The following SV2C variants were observed in gnomAD, a reference collection of about 807,000 sequenced individuals.
SV2C encodes solute carrier family 22 member B3.
Under a neutral mutation model 79.7 loss-of-function variants are expected in SV2C, and 49 were observed. That is an observed-to-expected ratio of 0.61 (90% confidence interval 0.49 to 0.78). SV2C has a LOEUF of 0.78. Ranked by LOEUF, SV2C falls within the 30% of genes least tolerant of loss-of-function variation. The pLI, the probability that SV2C is intolerant of heterozygous loss-of-function variation, is 0.00. For synonymous variants in SV2C, 334 were observed against 333.2 expected, an observed-to-expected ratio of 1.00 and a Z score of -0.03; for missense variants, 833 against 912.9, an observed-to-expected ratio of 0.91 and a Z score of 1.13.
chr5:75,922,558 G>A, the SV2C span, among the ~76,000 whole-genome samples: 1 of 152,218 alleles, frequency 6.6e-6, no homozygotes, highest in Non-Finnish European at 1.5e-5. Flanking sequence ...AATAGTTATG[G>A]CAGAGACTGC....
intron 4 of SV2C, among the ~76,000 whole-genome samples, chr5:76,216,612 C>A (rs1161128740): frequency 1.3e-5 from 2 of 152,200 alleles, no homozygotes; most frequent in Non-Finnish European, 2.9e-5. Context: ...TTTGGCTCTT[C>A]TTGACCTAAC....
chr5:76,068,234 T>C, the SV2C span, among the ~76,000 whole-genome samples: 1 of 152,184 alleles, frequency 6.6e-6, no homozygotes, highest in Non-Finnish European at 1.5e-5. Context: ...TCCTTATACC[T>C]AGATTTCTAA....
chr5:76,236,574 TA>T (rs1561277504), intron 4 of SV2C, among the ~76,000 whole-genome samples: 7 of 125,542 alleles, frequency 5.6e-5, no homozygotes, highest in African/African-American at 3.7e-4. Flanking sequence ...AAAAATAAAA[TA>T]AAATAAAGAG....
chr5:76,057,811 A>G, the SV2C span, among the ~76,000 whole-genome samples: 1 of 152,130 alleles, frequency 6.6e-6, no homozygotes, highest in Non-Finnish European at 1.5e-5. Flanking sequence ...GGCTTCACCA[A>G]TTGGACTAAT....
chr5:75,922,257 A>G, the SV2C span, among the ~76,000 whole-genome samples: 2 of 152,184 alleles, frequency 1.3e-5, no homozygotes, highest in Non-Finnish European at 2.9e-5. Context: ...CTCATTCAAA[A>G]TCTAGTCCTT....
At chr5:75,999,375 AAGAGAGAGAGAGAGAGAG>A in the SV2C span, among the ~76,000 whole-genome samples, 66,002 of 135,010 alleles carry the variant, frequency 0.49, 16,160 homozygotes, top group Middle Eastern at 0.64. Flanking sequence ...GGGAGGGAGA[AAGAGAGAGAGAGAGAGAG>A]AGAGAGAGAG....
intron 1 of SV2C, among the ~76,000 whole-genome samples, chr5:76,120,039 T>C (rs1378064993): frequency 6.6e-6 from 1 of 152,174 alleles, no homozygotes; most frequent in Non-Finnish European, 1.5e-5. Flanking sequence ...AAATATTAAG[T>C]GCATGAGGTG....
chr5:76,201,135 G>A (rs1269192649), intron 3 of SV2C, among the ~76,000 whole-genome samples: 3 of 152,210 alleles, frequency 2.0e-5, no homozygotes. Flanking sequence ...GGGGACAACA[G>A]CGTTGTGTGG....
At chr5:76,110,840 A>G (rs1748073282) in intron 1 of SV2C, among the ~76,000 whole-genome samples, 1 of 152,180 alleles carries the variant, frequency 6.6e-6, no homozygotes, top group Non-Finnish European at 1.5e-5. Flanking sequence ...AAAGAACATG[A>G]GTGTTGGGAG....
chr5:76,247,734 C>T (rs761445919), intron 4 of SV2C, among the ~76,000 whole-genome samples: 1 of 152,162 alleles, frequency 6.6e-6, no homozygotes, highest in Admixed American at 6.5e-5. Context: ...AAGTTTTTAA[C>T]AATTGTGGAC....
the SV2C span, among the ~76,000 whole-genome samples, chr5:75,936,342 C>T: frequency 6.6e-6 from 1 of 152,152 alleles, no homozygotes; most frequent in Non-Finnish European, 1.5e-5. Context: ...GGTTCACTAC[C>T]ATCTTGGGCT....
intron 4 of SV2C, among the ~76,000 whole-genome samples, chr5:76,254,160 A>G (rs72773801): frequency 0.11 from 9,458 of 89,306 alleles, 882 homozygotes; most frequent in African/African-American, 0.3. Flanking sequence ...ATATATATAT[A>G]TGTGTGTGTG....
chr5:76,110,258 G>A (rs1303097206), intron 1 of SV2C, among the ~76,000 whole-genome samples: 3 of 152,140 alleles, frequency 2.0e-5, no homozygotes, highest in Non-Finnish European at 4.4e-5. Context: ...AAGAAACAGA[G>A]GCAGCAGAAA....
chr5:76,061,292 AAGC>A, the SV2C span, among the ~76,000 whole-genome samples: 10 of 150,860 alleles, frequency 6.6e-5, no homozygotes, highest in Non-Finnish European at 1.3e-4. Context: ...AAAAAAAAAA[AAGC>A]AATATCTGAA....
At chr5:75,879,131 C>G in the SV2C span, among the ~76,000 whole-genome samples, 3 of 152,178 alleles carry the variant, frequency 2.0e-5, no homozygotes, top group Non-Finnish European at 4.4e-5. Flanking sequence ...ACACCTCCCA[C>G]AAGGCCCCAC....
At chr5:75,994,844 T>A in the SV2C span, among the ~76,000 whole-genome samples, 4 of 152,130 alleles carry the variant, frequency 2.6e-5, no homozygotes, top group Admixed American at 6.5e-5. Context: ...GCTAGTGTTA[T>A]AATTCAGTAT....
At chr5:75,911,454 GCCCT>G in the SV2C span, 1 of 948,762 alleles carries the variant, frequency 1.1e-6, no homozygotes, top group South Asian at 1.6e-5. Context: ...CAAACCCCAG[GCCCT>G]CCTCAGGGAA....
the SV2C span, among the ~76,000 whole-genome samples, chr5:75,951,338 T>C: frequency 1.3e-5 from 2 of 152,044 alleles, no homozygotes; most frequent in Non-Finnish European, 2.9e-5. Flanking sequence ...CTGTATTCAT[T>C]CTGGCTGATT....
chr5:76,099,090 T>G (rs7700761), intron 1 of SV2C, among the ~76,000 whole-genome samples: 48,042 of 151,994 alleles, frequency 0.32, 9,628 homozygotes, highest in African/African-American at 0.56. Flanking sequence ...TTGATTATCA[T>G]GTCAGACAGT....
Sources: allele counts gnomAD v4.1 joint callset (sites outside exome capture counted in the v4.1 genomes callset), GRCh38; gene constraint gnomAD v4.1.1; transcripts MANE v1.5; gene names NCBI Gene and HGNC (gene_info 2026-07-23, HGNC 2026-07-21).